Variants in NVL observed in about 807,000 individuals in gnomAD.
The protein encoded by NVL is nuclear valosin-containing protein-like.
NVL carries 84 observed loss-of-function variants against 110.2 expected under a neutral mutation model. That is an observed-to-expected ratio of 0.76 (90% CI 0.64 to 0.91). The LOEUF (loss-of-function observed/expected upper bound fraction) is 0.91. Ranked by LOEUF, NVL falls within the 40% of genes least tolerant of loss-of-function variation. NVL has a pLI of 0.00. For synonymous variants in NVL, 354 were observed against 361.1 expected (o/e 0.98, Z 0.22); for missense variants, 882 against 1,035.9 (o/e 0.85, Z 2.04).
chr1:224,272,707 ACT>A (rs1665255818), intron 17 of NVL, among the ~76,000 whole-genome samples: 1 of 151,314 alleles, frequency 6.6e-6, no homozygotes, highest in Non-Finnish European at 1.5e-5. Context: ...ACAGAGCAAG[ACT>A]CTGTCTCAAA....
chr1:224,263,307 G>T (rs757727601), intron 18 of NVL, among the ~76,000 whole-genome samples: 12 of 152,194 alleles, frequency 7.9e-5, no homozygotes, highest in Non-Finnish European at 1.6e-4. Flanking sequence ...TAGTTTTCTC[G>T]TAGGGCTGTT....
chr1:224,235,749 C>G (rs548906320), intron 20 of NVL, among the ~76,000 whole-genome samples: 1 of 151,718 alleles, frequency 6.6e-6, no homozygotes, highest in African/African-American at 2.4e-5. Flanking sequence ...GGCAATATGG[C>G]GAGACCCTAA....
chr1:224,264,163 T>C (rs10799557), intron 18 of NVL, among the ~76,000 whole-genome samples: 152,275 of 152,292 alleles, frequency 1, 76,129 homozygotes, highest in Non-Finnish European at 1. Flanking sequence ...CAGCTGATAG[T>C]ACGTGGATCC....
intron 18 of NVL, among the ~76,000 whole-genome samples, chr1:224,258,979 TAAAAAAAAA>T (rs34767555): frequency 3.3e-5 from 2 of 60,208 alleles, no homozygotes; most frequent in African/African-American, 5.6e-5. Flanking sequence ...GTCTCTACAT[TAAAAAAAAA>T]AAAAAAAAAA....
At chr1:224,278,797 A>C (rs943854119) in intron 16 of NVL, among the ~76,000 whole-genome samples, 2 of 151,892 alleles carry the variant, frequency 1.3e-5, no homozygotes, top group African/African-American at 4.8e-5. Flanking sequence ...CAGTGGCGTG[A>C]TCATAGCTCA....
At chr1:224,275,201 G>T (rs889315517) in intron 17 of NVL, 138 bp downstream of exon 17, 4 of 966,322 alleles carry the variant, frequency 4.1e-6, no homozygotes, top group Non-Finnish European at 6.2e-6. Flanking sequence ...TCTAGGATTT[G>T]ATTTCAAATT....
chr1:224,319,087 G>A (rs1268332670), intron 2 of NVL, among the ~76,000 whole-genome samples: 9 of 137,298 alleles, frequency 6.6e-5, no homozygotes, highest in East Asian at 2.3e-4. Flanking sequence ...CCCAGGAGGC[G>A]GAGGTTGCAG....
At chr1:224,329,817 C>T (rs1205367955) in intron 1 of NVL, among the ~76,000 whole-genome samples, 4 of 152,198 alleles carry the variant, frequency 2.6e-5, no homozygotes, top group Admixed American at 1.3e-4. Flanking sequence ...GCGCTGAAGA[C>T]GACCAGACAA....
At chr1:224,265,450 G>T (rs1432094246) in intron 18 of NVL, among the ~76,000 whole-genome samples, 1 of 152,144 alleles carries the variant, frequency 6.6e-6, no homozygotes, top group African/African-American at 2.4e-5. Flanking sequence ...GTTGCAAGGA[G>T]CTGAGATCAC....
intron 6 of NVL, among the ~76,000 whole-genome samples, chr1:224,305,840 G>A (rs1668867153): frequency 6.6e-6 from 1 of 152,262 alleles, no homozygotes; most frequent in Non-Finnish European, 1.5e-5. Flanking sequence ...GCCCTGCACG[G>A]CCCTCTTTCA....
At chr1:224,305,359 C>T in intron 6 of NVL, 193 bp from the exon 7 acceptor site, 1 of 546,284 alleles carries the variant, frequency 1.8e-6, no homozygotes, top group Admixed American at 3.6e-5. Context: ...CCTTAAAGCT[C>T]AGTTTAAATC....
At chr1:224,305,236 G>A in intron 6 of NVL, 70 bp from the exon 7 acceptor site, 5 of 1,469,530 alleles carry the variant, frequency 3.4e-6, no homozygotes, top group Non-Finnish European at 4.6e-6. Context: ...ACTTTTTAAA[G>A]AGGGGCATTG....
chr1:224,293,321 G>A (rs908651482), intron 12 of NVL, among the ~76,000 whole-genome samples: 5 of 151,958 alleles, frequency 3.3e-5, no homozygotes, highest in African/African-American at 4.8e-5. Context: ...CGCCCGCCTC[G>A]GCCTCCCAAA....
chr1:224,289,835 T>C, intron 12 of NVL, 102 bp from the exon 13 acceptor site: 1 of 1,042,106 alleles, frequency 9.6e-7, no homozygotes, highest in African/African-American at 1.6e-5. Flanking sequence ...GCCAAAGGTA[T>C]CAAAATGGAT....
At chr1:224,275,546 A>G (rs1189805356) in intron 16 of NVL, 88 bp from the exon 17 acceptor site, 3 of 1,536,610 alleles carry the variant, frequency 2.0e-6, no homozygotes, top group Non-Finnish European at 1.8e-6. Context: ...ATGTGACATA[A>G]ACTAGTTTTA....
chr1:224,287,282 A>G (rs913813955), intron 14 of NVL, among the ~76,000 whole-genome samples: 2 of 152,204 alleles, frequency 1.3e-5, no homozygotes, highest in Non-Finnish European at 2.9e-5. Flanking sequence ...GGTGGAGATG[A>G]GTATAATGAA....
At chr1:224,317,816 A>G (rs765077734) in intron 3 of NVL, 23 bp from the exon 4 acceptor site, 7 of 1,562,032 alleles carry the variant, frequency 4.5e-6, no homozygotes, top group African/African-American at 4.1e-5. Context: ...GAAAAACGCT[A>G]TGAGCTAAAA....
chr1:224,323,372 C>T (rs1349418299), intron 2 of NVL, among the ~76,000 whole-genome samples: 1 of 152,056 alleles, frequency 6.6e-6, no homozygotes, highest in South Asian at 2.1e-4. Context: ...CTCAGTTTAT[C>T]CATATTGTAA....
rs967287801 is a variant in NVL at position 224,289,574 on chromosome 1, T to C, written c.1485A>G (p.Glu495=). ...CCATTTCAGGATTTTTCTTCTGCTG[T>C]TCCTGTAGCTTCATTAAGACTCTAT... The part of the protein sequence containing the change: ...AVNRVLMKLQ[E]QQKKNPEMED... The change falls in exon 13 of 23, where the codon GAA becomes GAG. Residue 495 remains glutamate (E), a synonymous_variant. Transcript: ENST00000281701. 37 of 1,614,146 alleles carry C rather than the reference T, an allele frequency of 2.3e-5. No homozygotes were observed. Among genetic ancestry groups the C allele is most frequent in the Non-Finnish European group, 2.8e-5 (33 of 1,180,056 alleles).
Sources: allele counts gnomAD v4.1 joint callset (sites outside exome capture counted in the v4.1 genomes callset), GRCh38; gene constraint gnomAD v4.1.1; transcripts MANE v1.5; gene names NCBI Gene and HGNC (gene_info 2026-07-23, HGNC 2026-07-21).